The following DHRS7B variants were observed in gnomAD, a reference collection of about 807,000 sequenced individuals.
DHRS7B encodes the protein dehydrogenase/reductase 7B, also known as peroxisomal reductase activating PPAR-gamma.
DHRS7B carries 24 observed loss-of-function variants against 26.4 expected under a neutral mutation model. The observed-to-expected ratio is 0.91, with a 90% confidence interval of 0.66 to 1.28. The LOEUF (loss-of-function observed/expected upper bound fraction) is 1.28. DHRS7B is among the 50% of genes most tolerant of loss of function. The probability of loss-of-function intolerance (pLI) is 0.00; values close to 1 mark genes in which losing one functional copy is unlikely to be tolerated. For synonymous variants in DHRS7B, 142 were observed against 166.4 expected (o/e 0.85, Z 1.13); for missense variants, 368 against 419.4 (o/e 0.88, Z 1.07).
intron 1 of DHRS7B, among the ~76,000 whole-genome samples, chr17:21,131,487 G>C (rs953111753): frequency 6.6e-6 from 1 of 152,174 alleles, no homozygotes; most frequent in Non-Finnish European, 1.5e-5. Flanking sequence ...GATGACCAGA[G>C]GTCACTTTCA....
chr17:21,159,250 C>CT (rs749833688), intron 1 of DHRS7B, among the ~76,000 whole-genome samples: 55,799 of 143,836 alleles, frequency 0.39, 10,552 homozygotes, highest in African/African-American at 0.42. Context: ...TTCTTTCTTT[C>CT]TTTTTTTTTT....
intron 3 of DHRS7B, among the ~76,000 whole-genome samples, chr17:21,181,420 A>C (rs1974512521): frequency 6.6e-6 from 1 of 152,202 alleles, no homozygotes; most frequent in African/African-American, 2.4e-5. Flanking sequence ...CTAGTTTTCA[A>C]AGTCTGGAGG....
rs35192518 is a variant in DHRS7B at position 21,156,911 on chromosome 17, C to CAAA, written c.21-15094_21-15092dup. On this transcript the variant is annotated intron_variant, in intron 1 of 6. Transcript: ENST00000395511. ...GGGTGACAAAAACAAAATTCTGTCTCAAAAAAAAAAAAAAAGAATGCTATG... is the reference window on the plus strand; with the variant it reads ...GGGTGACAAAAACAAAATTCTGTCTCAAAAAAAAAAAAAAAAAAGAATGCTATG... 1.1e-3 allele frequency among the ~76,000 whole-genome samples: 160 copies of CAAA among 139,536 alleles called. 1 individual carries two copies. Among genetic ancestry groups the CAAA allele is most frequent in the African/African-American group, 3.8e-3 (144 of 37,522 alleles). 91.5% of individuals were successfully genotyped at this position (139,536 alleles called of 152,430 possible). A position where few individuals can be genotyped will look rare whatever the true frequency, so the allele number is the denominator to read the frequency against.
chr17:21,184,523 A>G, intron 5 of DHRS7B, 60 bp downstream of exon 5: 6 of 1,494,224 alleles, frequency 4.0e-6, no homozygotes, highest in Admixed American at 1.8e-5. Context: ...GATTATAAAA[A>G]TAACACATTT....
At position 21,188,733 on chromosome 17, in the gene DHRS7B, C is replaced by T; in HGVS notation, c.642C>T (p.Thr214=). ...TAGATGCAGCCTCCAAGCACGCAAC[C>T]CAGGCTTTCTTTGACTGTCTGCGTG... ...RSAYAASKHA[T]QAFFDCLRAE... Residue 214 remains threonine, a synonymous_variant, in exon 6 of 7, where the codon ACC becomes ACT. Transcript: ENST00000395511. 2 of 1,605,512 alleles carry T rather than the reference C, an allele frequency of 1.2e-6. No homozygotes were observed. The highest frequency in any genetic ancestry group is 1.7e-6 in the Non-Finnish European group (2 of 1,175,574).
At chr17:21,182,456 T>A (rs1277507789) in intron 3 of DHRS7B, among the ~76,000 whole-genome samples, 1 of 152,048 alleles carries the variant, frequency 6.6e-6, no homozygotes, top group Non-Finnish European at 1.5e-5. Flanking sequence ...TCCATGTTAG[T>A]CAGGCTAGTC....
chr17:21,187,829 TTTTATTTA>T (rs147783016), intron 5 of DHRS7B, among the ~76,000 whole-genome samples: 54,418 of 145,512 alleles, frequency 0.37, 10,418 homozygotes, highest in African/African-American at 0.47. Flanking sequence ...TGTTTTTAAC[TTTTATTTA>T]TTTATTTATT....
At chr17:21,170,416 CT>C (rs1358306429) in intron 1 of DHRS7B, among the ~76,000 whole-genome samples, 2 of 152,218 alleles carry the variant, frequency 1.3e-5, no homozygotes, top group African/African-American at 4.8e-5. Context: ...CCAGTAGTGC[CT>C]GGTGAAAAGC....
chr17:21,138,075 A>AAT (rs1215794776), intron 1 of DHRS7B, among the ~76,000 whole-genome samples: 581 of 33,186 alleles, frequency 0.018, 7 homozygotes, highest in Middle Eastern at 0.029. Flanking sequence ...TTAAAAAAAA[A>AAT]ATATATATAT....
chr17:21,130,726 G>A (rs1376340821), intron 1 of DHRS7B, among the ~76,000 whole-genome samples: 1 of 152,056 alleles, frequency 6.6e-6, no homozygotes, highest in Non-Finnish European at 1.5e-5. Context: ...TTTACTTACA[G>A]TACAGTAAAA....
At chr17:21,180,336 A>G (rs1974489365) in intron 3 of DHRS7B, among the ~76,000 whole-genome samples, 1 of 151,334 alleles carries the variant, frequency 6.6e-6, no homozygotes, top group Non-Finnish European at 1.5e-5. Flanking sequence ...GCCTCCCACA[A>G]TGTTGGGATT....
At chr17:21,190,585 G>A (rs1222149071) in intron 6 of DHRS7B, among the ~76,000 whole-genome samples, 3 of 152,170 alleles carry the variant, frequency 2.0e-5, no homozygotes, top group African/African-American at 4.8e-5. Context: ...TTTCAGGTGC[G>A]GTGTGAGGGG....
chr17:21,156,635 G>A (rs866522058), intron 1 of DHRS7B, among the ~76,000 whole-genome samples: 16 of 151,532 alleles, frequency 1.1e-4, no homozygotes, highest in Non-Finnish European at 1.6e-4. Flanking sequence ...AAAATAAGCC[G>A]GGCGTGGTGG....
intron 3 of DHRS7B, among the ~76,000 whole-genome samples, chr17:21,181,164 G>A (rs1224034391): frequency 1.3e-5 from 2 of 152,122 alleles, no homozygotes; most frequent in African/African-American, 4.8e-5. Flanking sequence ...ATGGCTCACT[G>A]CAGCCTGAAA....
At chr17:21,160,865 ATAT>A (rs1364315019) in intron 1 of DHRS7B, among the ~76,000 whole-genome samples, 1 of 152,226 alleles carries the variant, frequency 6.6e-6, no homozygotes, top group Non-Finnish European at 1.5e-5. Flanking sequence ...AGACAACTGA[ATAT>A]TATTCAGTAC....
chr17:21,162,393 T>G (rs1974018433), intron 1 of DHRS7B, among the ~76,000 whole-genome samples: 1 of 152,252 alleles, frequency 6.6e-6, no homozygotes, highest in South Asian at 2.1e-4. Flanking sequence ...TGTTTAATAC[T>G]GAGTGTAGGC....
intron 1 of DHRS7B, among the ~76,000 whole-genome samples, chr17:21,169,481 C>G: frequency 6.6e-6 from 1 of 152,254 alleles, no homozygotes; most frequent in East Asian, 1.9e-4. Context: ...AGCTCAGAGG[C>G]GAGGACACTG....
Position 21,172,073 on chromosome 17 carries a change from C to A in DHRS7B, c.76C>A (p.Pro26Thr), listed in dbSNP as rs775851078. 3.2e-5 allele frequency: 52 copies of A among 1,614,122 alleles called. No individual in the cohort carries two copies. The highest frequency in any genetic ancestry group is 4.2e-5 in the Non-Finnish European group (50 of 1,180,062). ...MDFITSTAIL[P>T]LLFGCLGVFG... The stretch of plus-strand genomic sequence containing the variant: ...CTTCATCACCTCCACAGCCATCCTG[C>A]CCCTGCTGTTCGGCTGCCTGGGCGT... The change falls in exon 2 of 7, where the codon CCC becomes ACC. Residue 26 changes from proline (P) to threonine (T), a missense_variant. Transcript: ENST00000395511.
chr17:21,138,103 C>CACACAA (rs1567616139), intron 1 of DHRS7B, among the ~76,000 whole-genome samples: 31 of 128,730 alleles, frequency 2.4e-4, no homozygotes, highest in Admixed American at 7.9e-4. Flanking sequence ...TATATATATA[C>CACACAA]ACACACACAC....
Sources: gnomAD v4.1 joint callset for allele counts (sites outside exome capture counted in the v4.1 genomes callset) on GRCh38, gnomAD v4.1.1 for gene constraint, MANE v1.5 for transcripts, NCBI Gene and HGNC (gene_info 2026-07-23, HGNC 2026-07-21) for gene names.